Variants in KCNH8 observed in about 807,000 individuals in gnomAD.
KCNH8 encodes the protein potassium voltage-gated channel subfamily H member 8, also known as voltage-gated delayed rectifier potassium channel KCNH8.
In KCNH8, 70 loss-of-function variants were observed where a neutral mutation model predicts 103.6. The observed-to-expected ratio is 0.68, with a 90% CI of 0.56 to 0.82. The LOEUF is 0.82. Ranked by LOEUF, KCNH8 falls within the 40% of genes least tolerant of loss-of-function variation. The pLI, the probability that KCNH8 is intolerant of heterozygous loss-of-function variation, is 0.00. For synonymous variants in KCNH8, 498 were observed against 489.4 expected, an observed-to-expected ratio of 1.02 and a Z score of -0.23; for missense variants, 1,217 against 1,329.9, an observed-to-expected ratio of 0.92 and a Z score of 1.32.
chr3:19,154,439 A>C (rs1250233940), intron 1 of KCNH8, among the ~76,000 whole-genome samples: 1 of 152,180 alleles, frequency 6.6e-6, no homozygotes, highest in Admixed American at 6.5e-5. Context: ...TATTTTGGTA[A>C]AAAACTATGG....
At chr3:19,491,836 CTGT>C in intron 11 of KCNH8, among the ~76,000 whole-genome samples, 1 of 152,210 alleles carries the variant, frequency 6.6e-6, no homozygotes, top group East Asian at 1.9e-4. Context: ...TTGCCAGCAT[CTGT>C]TTTTTGACTT....
chr3:19,152,969 T>C (rs1387896442), intron 1 of KCNH8, among the ~76,000 whole-genome samples: 1 of 151,860 alleles, frequency 6.6e-6, no homozygotes, highest in African/African-American at 2.4e-5. Flanking sequence ...GAAAAGAAAT[T>C]TGTTAAAATT....
intron 7 of KCNH8, among the ~76,000 whole-genome samples, chr3:19,406,934 T>C (rs1001951601): frequency 2.6e-5 from 4 of 152,150 alleles, no homozygotes; most frequent in African/African-American, 7.2e-5. Context: ...ACTTCTCTTA[T>C]TTGTATGAGA....
Position 19,281,251 on chromosome 3 carries a change from G to A in KCNH8, c.364G>A (p.Asp122Asn), listed in dbSNP as rs777473735. 1 of 1,610,586 alleles carries A rather than the reference G, an allele frequency of 6.2e-7. No individual in the cohort carries two copies. The highest frequency in any genetic ancestry group is 8.5e-7 in the Non-Finnish European group (1 of 1,177,354). Residue 122 changes from aspartate to asparagine, a missense_variant, in exon 3 of 16, where the codon GAT becomes AAT. Physicochemically the swap from Asp to Asn is conservative, Grantham distance 23. Around this residue, in one of 3 missense-constraint regions of KCNH8, gnomAD observed 244 missense variants for 256.8 expected, o/e 0.95. Transcript: ENST00000328405. ...TGTTCCCATAAAGAATGAAAAAGGAGATGTAGTACTTTTTCTGGCCTCGTT... is the reference window on the plus strand; with the variant it reads ...TGTTCCCATAAAGAATGAAAAAGGAAATGTAGTACTTTTTCTGGCCTCGTT... ...DIVPIKNEKGDVVLFLASFKD... is the reference protein window; with the variant it reads ...DIVPIKNEKGNVVLFLASFKD...
At chr3:19,492,268 G>C (rs2068339126) in intron 11 of KCNH8, among the ~76,000 whole-genome samples, 1 of 152,094 alleles carries the variant, frequency 6.6e-6, no homozygotes, top group Non-Finnish European at 1.5e-5. Context: ...GTCAAGAAGA[G>C]TACTTCCTAG....
chr3:19,188,115 T>C (rs2063519746), intron 1 of KCNH8, among the ~76,000 whole-genome samples: 1 of 152,132 alleles, frequency 6.6e-6, no homozygotes, highest in South Asian at 2.1e-4. Flanking sequence ...CCTACTCATT[T>C]GTTTGCATAT....
chr3:19,283,941 C>CAA (rs549944584), intron 3 of KCNH8, among the ~76,000 whole-genome samples: 16 of 78,962 alleles, frequency 2.0e-4, no homozygotes, highest in African/African-American at 7.1e-4. Context: ...GACCCTGTCT[C>CAA]AAAAAAAAAA....
At chr3:19,252,609 T>G (rs2064293624) in intron 1 of KCNH8, among the ~76,000 whole-genome samples, 1 of 152,024 alleles carries the variant, frequency 6.6e-6, no homozygotes, top group Non-Finnish European at 1.5e-5. Flanking sequence ...AGGCTGGTTT[T>G]GAACTCCTGA....
chr3:19,211,725 T>C (rs2063773440), intron 1 of KCNH8, among the ~76,000 whole-genome samples: 1 of 152,214 alleles, frequency 6.6e-6, no homozygotes. Context: ...ACGGTAACTA[T>C]AATAAAATTG....
At chr3:19,463,744 T>G (rs2067681088) in intron 11 of KCNH8, among the ~76,000 whole-genome samples, 1 of 152,062 alleles carries the variant, frequency 6.6e-6, no homozygotes, top group South Asian at 2.1e-4. Context: ...TCAAAGTGTA[T>G]CCAAAAATTT....
chr3:19,411,224 T>C (rs1175913844), intron 7 of KCNH8, among the ~76,000 whole-genome samples: 1 of 152,016 alleles, frequency 6.6e-6, no homozygotes, highest in Non-Finnish European at 1.5e-5. Flanking sequence ...CACAAAACAA[T>C]AAATGTGGTT....
intron 11 of KCNH8, among the ~76,000 whole-genome samples, chr3:19,488,403 T>C (rs1373857088): frequency 6.6e-6 from 1 of 152,234 alleles, no homozygotes; most frequent in South Asian, 2.1e-4. Flanking sequence ...TGATTGGCTA[T>C]TTCCAGTAAT....
intron 3 of KCNH8, among the ~76,000 whole-genome samples, chr3:19,341,426 T>C (rs910058975): frequency 1.3e-5 from 2 of 152,098 alleles, no homozygotes; most frequent in African/African-American, 4.8e-5. Context: ...TTGACATTTC[T>C]GGGGAGGTGG....
intron 3 of KCNH8, among the ~76,000 whole-genome samples, chr3:19,340,371 T>A (rs1185169102): frequency 4.9e-5 from 7 of 144,000 alleles, no homozygotes; most frequent in South Asian, 2.2e-4. Context: ...TTTTTTTTTT[T>A]ATTATACTCT....
chr3:19,491,537 T>C (rs955766956), intron 11 of KCNH8, among the ~76,000 whole-genome samples: 8 of 152,212 alleles, frequency 5.3e-5, no homozygotes, highest in African/African-American at 1.9e-4. Context: ...ATTACTATGG[T>C]AATTTATCAC....
At chr3:19,467,497 G>A (rs1021903584) in intron 11 of KCNH8, among the ~76,000 whole-genome samples, 1 of 152,152 alleles carries the variant, frequency 6.6e-6, no homozygotes, top group Non-Finnish European at 1.5e-5. Flanking sequence ...TTCACCAGCT[G>A]TACAAAGTAT....
At chr3:19,179,726 G>A (rs963294911) in intron 1 of KCNH8, among the ~76,000 whole-genome samples, 10 of 152,118 alleles carry the variant, frequency 6.6e-5, no homozygotes, top group African/African-American at 2.4e-4. Context: ...ATTAATGCTT[G>A]TTGAAAGATG....
At chr3:19,259,545 C>A (rs1444139766) in intron 2 of KCNH8, among the ~76,000 whole-genome samples, 1 of 151,708 alleles carries the variant, frequency 6.6e-6, no homozygotes, top group Middle Eastern at 3.2e-3. Flanking sequence ...AATGTTATGT[C>A]ATGAACAGGT....
chr3:19,290,745 G>A (rs1575500198), intron 3 of KCNH8, among the ~76,000 whole-genome samples: 1 of 152,278 alleles, frequency 6.6e-6, no homozygotes, highest in Admixed American at 6.5e-5. Flanking sequence ...TTGGTATCAG[G>A]ATGATGCTGG....
Sources: allele counts gnomAD v4.1 joint callset (sites outside exome capture counted in the v4.1 genomes callset), GRCh38; gene constraint gnomAD v4.1.1; regional missense constraint gnomAD v4.1.1; transcripts MANE v1.5; gene names NCBI Gene and HGNC (gene_info 2026-07-23, HGNC 2026-07-21).